CFAP119: variants seen among roughly 807,000 people sequenced by gnomAD.
The protein encoded by CFAP119 is cilia and flagella associated protein 119.
At chr16:30,757,753 G>C in the CFAP119 span, 3 of 1,481,518 alleles carry the variant, frequency 2.0e-6, no homozygotes, top group South Asian at 1.4e-5. Context: ...ATTTCCCCTG[G>C]TGGGGATATA....
At chr16:30,760,145 G>A in the CFAP119 span, 47 of 1,571,380 alleles carry the variant, frequency 3.0e-5, no homozygotes, top group Non-Finnish European at 3.7e-5. Flanking sequence ...TTGGAAAGCT[G>A]ATGGCTTGTG....
chr16:30,759,333 AC>A, the CFAP119 span: 5 of 1,613,062 alleles, frequency 3.1e-6, no homozygotes, highest in Non-Finnish European at 4.2e-6. Context: ...ATGGTCCACC[AC>A]CCCCTACCTG....
chr16:30,757,485 C>G, the CFAP119 span: 1 of 1,613,592 alleles, frequency 6.2e-7, no homozygotes, highest in East Asian at 2.2e-5. Flanking sequence ...GTCACTTGGT[C>G]TTGCTCTTGC....
the CFAP119 span, chr16:30,759,319 C>T: frequency 3.1e-6 from 5 of 1,612,582 alleles, no homozygotes; most frequent in Non-Finnish European, 3.4e-6. Flanking sequence ...GAGGGTGGCT[C>T]CTCATGGTCC....
At chr16:30,759,792 GC>G in the CFAP119 span, 1 of 1,542,250 alleles carries the variant, frequency 6.5e-7, no homozygotes, top group African/African-American at 1.4e-5. Context: ...TCACTCAACA[GC>G]TGTTTATGAC....
At chr16:30,761,834 G>A in the CFAP119 span, 1 of 1,297,986 alleles carries the variant, frequency 7.7e-7, no homozygotes, top group Non-Finnish European at 1.0e-6. Flanking sequence ...CGGCTACCAA[G>A]GCCGGGCCCG....
the CFAP119 span, chr16:30,757,428 G>C: frequency 1.3e-6 from 2 of 1,587,686 alleles, no homozygotes; most frequent in African/African-American, 2.7e-5. Context: ...CAGGGTGCAG[G>C]GATGGTGCCA....
chr16:30,760,844 C>G, the CFAP119 span: 1 of 642,612 alleles, frequency 1.6e-6, no homozygotes, highest in Admixed American at 2.5e-5. Context: ...TCTTATGAGC[C>G]TCTCCATTTC....
the CFAP119 span, chr16:30,758,734 T>C: frequency 2.2e-6 from 1 of 450,210 alleles, no homozygotes; most frequent in South Asian, 2.3e-5. Context: ...TTTTGTATTT[T>C]AGTAGATAGG....
the CFAP119 span, chr16:30,759,725 C>T: frequency 1.2e-6 from 2 of 1,605,976 alleles, no homozygotes; most frequent in Non-Finnish European, 8.5e-7. Context: ...AAGGGGGTTG[C>T]TGGTAGGGAA....
the CFAP119 span, chr16:30,759,015 G>GCT: frequency 1.3e-5 from 21 of 1,614,156 alleles, no homozygotes; most frequent in Non-Finnish European, 1.7e-5. Context: ...TCCTCACTTG[G>GCT]CTCTGGCTCT....
the CFAP119 span, chr16:30,760,509 C>G: frequency 6.2e-7 from 1 of 1,611,196 alleles, no homozygotes; most frequent in Non-Finnish European, 8.5e-7. Context: ...CACCCTACAC[C>G]CACCACATGC....
the CFAP119 span, chr16:30,761,452 G>A: frequency 2.0e-6 from 3 of 1,502,834 alleles, no homozygotes; most frequent in South Asian, 2.4e-5. Flanking sequence ...CCCGGGAGAC[G>A]TCCCGAACGT....
chr16:30,757,712 G>A, the CFAP119 span: 1 of 1,548,458 alleles, frequency 6.5e-7, no homozygotes. Context: ...GCAATGGGGG[G>A]ATGGTCCCTA....
chr16:30,761,881 G>T, the CFAP119 span: 1 of 899,286 alleles, frequency 1.1e-6, no homozygotes, highest in Non-Finnish European at 1.6e-6. Flanking sequence ...GCGGAGAGGC[G>T]CGGCGGGGCG....
chr16:30,759,535 G>A, the CFAP119 span: 1 of 1,614,138 alleles, frequency 6.2e-7, no homozygotes. Flanking sequence ...CCAGCAACAG[G>A]AGCAAGGAGA....
the CFAP119 span, chr16:30,758,375 CTT>C: frequency 6.5e-6 from 1 of 153,778 alleles, no homozygotes; most frequent in Non-Finnish European, 1.4e-5. Flanking sequence ...CTGGCCTGTT[CTT>C]TGTTTTTTTT....
chr16:30,761,176 A>AT, the CFAP119 span: 1 of 1,613,236 alleles, frequency 6.2e-7, no homozygotes, highest in Non-Finnish European at 8.5e-7. Context: ...ATTCAGTGTA[A>AT]TTTTTGTCTC....
chr16:30,760,060 T>C, the CFAP119 span: 1 of 1,529,600 alleles, frequency 6.5e-7, no homozygotes. Flanking sequence ...TGCATATATT[T>C]GCATATATTA....
Sources: allele counts gnomAD v4.1 joint callset, GRCh38; gene constraint gnomAD v4.1.1; transcripts MANE v1.5; gene names NCBI Gene and HGNC (gene_info 2026-07-23, HGNC 2026-07-21).